The following DOCK8 variants were observed in gnomAD, a reference collection of about 807,000 sequenced individuals.
The protein encoded by DOCK8 is dedicator of cytokinesis protein 8.
Under a neutral mutation model 245.6 loss-of-function variants are expected in DOCK8, and 141 were observed. The ratio of observed to expected loss-of-function variants is 0.57; its 90% CI spans 0.50 to 0.66. The LOEUF (loss-of-function observed/expected upper bound fraction) is 0.66, where lower values mean the gene tolerates loss of function less well. Among genes scored for constraint, DOCK8 ranks in the 30% least tolerant of loss-of-function variants. The pLI, the probability that DOCK8 is intolerant of heterozygous loss-of-function variation, is 0.00. For missense variants in DOCK8, 2,965 were observed against 2,603.4 expected, an observed-to-expected ratio of 1.14 and a Z score of -3.02; for synonymous variants, 1,168 against 970.2, an observed-to-expected ratio of 1.20 and a Z score of -3.79.
chr9:425,442 G>A (rs1007590769), intron 33 of DOCK8, among the ~76,000 whole-genome samples: 3 of 150,452 alleles, frequency 2.0e-5, no homozygotes, highest in African/African-American at 7.4e-5. Context: ...TGAAGCAGGA[G>A]AATGGCGTGA....
intron 30 of DOCK8, among the ~76,000 whole-genome samples, 188 bp downstream of exon 30, chr9:418,395 C>T (rs1184419659): frequency 1.3e-5 from 2 of 152,162 alleles, no homozygotes; most frequent in Admixed American, 6.5e-5. Context: ...TCCTGATTAG[C>T]TGGGATTACA....
At chr9:400,832 AT>A (rs2054961505) in intron 26 of DOCK8, among the ~76,000 whole-genome samples, 19 of 62,728 alleles carry the variant, frequency 3.0e-4, no homozygotes, top group East Asian at 6.9e-4. Context: ...CACCATCACC[AT>A]CACCACCACC....
intron 11 of DOCK8, among the ~76,000 whole-genome samples, chr9:336,097 G>A (rs1226993660): frequency 6.6e-6 from 1 of 152,196 alleles, no homozygotes; most frequent in Non-Finnish European, 1.5e-5. Context: ...TTGCTGCCTG[G>A]TCCACATAAT....
At chr9:331,270 C>A (rs62533405) in intron 9 of DOCK8, among the ~76,000 whole-genome samples, 1 of 152,118 alleles carries the variant, frequency 6.6e-6, no homozygotes, top group African/African-American at 2.4e-5. Context: ...TCAAGTGTTA[C>A]GTGCTTATGT....
chr9:339,237 C>T (rs980701179), intron 13 of DOCK8, 138 bp downstream of exon 13: 2 of 778,624 alleles, frequency 2.6e-6, no homozygotes, highest in Non-Finnish European at 4.4e-6. Context: ...GGTTAAGAAT[C>T]TGAATTGTTC....
At chr9:439,956 T>G (rs1231665739) in intron 40 of DOCK8, among the ~76,000 whole-genome samples, 1 of 152,186 alleles carries the variant, frequency 6.6e-6, no homozygotes, top group Non-Finnish European at 1.5e-5. Context: ...GTATATATAC[T>G]AGAAAAATAT....
chr9:276,131 TC>T (rs1182587964), intron 2 of DOCK8, among the ~76,000 whole-genome samples: 1 of 152,064 alleles, frequency 6.6e-6, no homozygotes, highest in Non-Finnish European at 1.5e-5. Flanking sequence ...CCTCAGGTGA[TC>T]CGCCCGCCTC....
At chr9:232,209 T>C (rs370064506) in intron 1 of DOCK8, among the ~76,000 whole-genome samples, 3 of 152,136 alleles carry the variant, frequency 2.0e-5, no homozygotes, top group South Asian at 2.1e-4. Flanking sequence ...TATTGATTTG[T>C]GTATGTTGAA....
chr9:241,312 G>T (rs1280348900), intron 1 of DOCK8, among the ~76,000 whole-genome samples: 1 of 152,088 alleles, frequency 6.6e-6, no homozygotes. Context: ...GTAGTATAGA[G>T]CACTAGAACG....
chr9:277,646 CT>C (rs1253200352), intron 2 of DOCK8, among the ~76,000 whole-genome samples: 1 of 151,778 alleles, frequency 6.6e-6, no homozygotes, highest in Non-Finnish European at 1.5e-5. Flanking sequence ...GGTTAATAAC[CT>C]TAAGCTACAT....
intron 39 of DOCK8, among the ~76,000 whole-genome samples, chr9:435,426 C>T (rs560680276): frequency 6.6e-6 from 1 of 152,296 alleles, no homozygotes; most frequent in Non-Finnish European, 1.5e-5. Context: ...GGTTATTATT[C>T]CCACTTCGCG....
chr9:361,504 T>C (rs1393873015), intron 14 of DOCK8, among the ~76,000 whole-genome samples: 1 of 152,236 alleles, frequency 6.6e-6, no homozygotes, highest in Non-Finnish European at 1.5e-5. Context: ...CTCCAGCCGT[T>C]TTATTACAGA....
chr9:275,536 C>A (rs2048310127), intron 2 of DOCK8, among the ~76,000 whole-genome samples: 1 of 152,154 alleles, frequency 6.6e-6, no homozygotes, highest in Non-Finnish European at 1.5e-5. Flanking sequence ...GGGACTTTAA[C>A]TTGAAGCCCA....
intron 27 of DOCK8, among the ~76,000 whole-genome samples, chr9:406,445 C>G (rs2055419442): frequency 6.7e-6 from 1 of 149,958 alleles, no homozygotes; most frequent in Non-Finnish European, 1.5e-5. Context: ...TGAGACCATG[C>G]CACTGCAATC....
intron 6 of DOCK8, 61 bp from the exon 7 acceptor site, chr9:316,977 GTTAAC>G: frequency 7.6e-7 from 1 of 1,314,808 alleles, no homozygotes; most frequent in Non-Finnish European, 1.1e-6. Context: ...CCTTCCCTGG[GTTAAC>G]TCTAATTGGA....
intron 10 of DOCK8, among the ~76,000 whole-genome samples, chr9:333,579 T>A (rs192939083): frequency 6.7e-6 from 1 of 149,476 alleles, no homozygotes; most frequent in Non-Finnish European, 1.5e-5. Context: ...CCAGCCTGGG[T>A]GACAGAGTGA....
intron 41 of DOCK8, 29 bp from the exon 42 acceptor site, chr9:441,846 A>T (rs1410477026): frequency 4.3e-6 from 7 of 1,614,104 alleles, no homozygotes; most frequent in Non-Finnish European, 5.9e-6. Context: ...GACATAACTA[A>T]GGAGAGCTTT....
intron 26 of DOCK8, among the ~76,000 whole-genome samples, chr9:400,079 C>CCACCTCCACCAT: frequency 8.4e-6 from 1 of 118,572 alleles, no homozygotes; most frequent in African/African-American, 4.0e-5. Context: ...ATCACCATCA[C>CCACCTCCACCAT]CACCACCTCC....
At chr9:375,459 A>G (rs1563981149) in intron 18 of DOCK8, among the ~76,000 whole-genome samples, 1 of 152,266 alleles carries the variant, frequency 6.6e-6, no homozygotes, top group East Asian at 1.9e-4. Flanking sequence ...TGAAAGGGAA[A>G]GTAATATCGG....
Sources: allele counts gnomAD v4.1 joint callset (sites outside exome capture counted in the v4.1 genomes callset), GRCh38; gene constraint gnomAD v4.1.1; transcripts MANE v1.5; gene names NCBI Gene and HGNC (gene_info 2026-07-23, HGNC 2026-07-21).